ULK4: variants seen among roughly 807,000 people sequenced by gnomAD.
ULK4 encodes the protein unc-51 like kinase 4.
In ULK4, 133 loss-of-function variants were observed where a neutral mutation model predicts 160.6. That is an observed-to-expected ratio of 0.83 (90% CI 0.72 to 0.96). ULK4 has a LOEUF of 0.96. ULK4 is among the 40% of genes least tolerant of loss of function. The pLI, the probability that ULK4 is intolerant of heterozygous loss-of-function variation, is 0.00. For missense variants in ULK4, 1,580 were observed against 1,499.5 expected (o/e 1.05, Z -0.89); for synonymous variants, 534 against 539.8 (o/e 0.99, Z 0.15).
chr3:41,662,223 T>C lies in ULK4; in HGVS notation c.3071+1384A>G, dbSNP rs1421449362. Among the ~76,000 whole-genome samples the C allele has an allele frequency of 3.3e-5, 5 of 152,204 alleles. No homozygotes were observed. The South Asian group carries it at 8.3e-4, about 25-fold the overall frequency. ...TCATTGCTCAGGCTCTCTAAAAGGC[T>C]ATAGAAACACTGAAGCAAACACTTT... On this transcript the variant is annotated intron_variant, in intron 30 of 36. Transcript: ENST00000301831.
chr3:41,783,467 C>T (rs1324043548), intron 21 of ULK4, among the ~76,000 whole-genome samples: 3 of 150,956 alleles, frequency 2.0e-5, no homozygotes, highest in Admixed American at 6.6e-5. Flanking sequence ...AACCAGGAGG[C>T]GAAGGTTGCA....
chr3:41,859,277 G>A lies in ULK4; in HGVS notation c.1657-23306C>T, dbSNP rs1235092926. 7 of 552,000 alleles carry A rather than the reference G, an allele frequency of 1.3e-5. No homozygotes were observed. In the Admixed American group the frequency reaches 1.5e-4, roughly 12 times the overall value. 34.2% of individuals were successfully genotyped at this position (552,000 alleles called of 1,614,324 possible). ...TCAAGAAAGGTGGTCTGGTTTGGAGGTGATTTTGCATCTAGAAGGCATTCT... is the reference window on the plus strand; with the variant it reads ...TCAAGAAAGGTGGTCTGGTTTGGAGATGATTTTGCATCTAGAAGGCATTCT... On this transcript the variant is annotated intron_variant, in intron 17 of 36. Transcript: ENST00000301831.
intron 30 of ULK4, among the ~76,000 whole-genome samples, chr3:41,628,616 G>A (rs1008879745): frequency 2.0e-5 from 3 of 152,200 alleles, no homozygotes; most frequent in African/African-American, 7.2e-5. Flanking sequence ...CCAGACTAAG[G>A]AGACAGAGAA....
At chr3:41,856,521 AT>A (rs2042342013) in intron 17 of ULK4, among the ~76,000 whole-genome samples, 3 of 129,990 alleles carry the variant, frequency 2.3e-5, no homozygotes, top group Non-Finnish European at 4.9e-5. Flanking sequence ...AAATATATAT[AT>A]ATATATATAT....
At chr3:41,726,594 G>T (rs2037660253) in intron 22 of ULK4, among the ~76,000 whole-genome samples, 1 of 151,994 alleles carries the variant, frequency 6.6e-6, no homozygotes. Flanking sequence ...AATAAACAAG[G>T]TCAGATCAAT....
rs1320462737 is a variant in ULK4 at position 41,935,947 on chromosome 3, G to C, written c.239-7C>G. The C allele has an allele frequency of 1.9e-6, 3 of 1,612,162 alleles. No homozygotes were observed. The highest frequency in any genetic ancestry group is 2.5e-6 in the Non-Finnish European group (3 of 1,179,508). On this transcript the variant is annotated splice_polypyrimidine_tract_variant and splice_region_variant and intron_variant, in intron 3 of 36. Coordinates refer to ENST00000301831, the MANE Select transcript of ULK4 (RefSeq NM_017886.4). ...ACTGTTTTTAAGGAACCACCTGCAA[G>C]AGGTTGATTAAAATCACCCATTTCA...
At chr3:41,731,436 C>T (rs573524055) in intron 22 of ULK4, among the ~76,000 whole-genome samples, 1 of 151,456 alleles carries the variant, frequency 6.6e-6, no homozygotes, top group Non-Finnish European at 1.5e-5. Context: ...AGGTGAAAGC[C>T]CTCTACAAGA....
chr3:41,402,341 T>C (rs2082198990), intron 34 of ULK4, among the ~76,000 whole-genome samples: 1 of 152,172 alleles, frequency 6.6e-6, no homozygotes, highest in Non-Finnish European at 1.5e-5. Flanking sequence ...CGGGTATTCC[T>C]TTTATTTCTT....
intron 25 of ULK4, among the ~76,000 whole-genome samples, chr3:41,706,855 G>A (rs796889159): frequency 0.11 from 14,368 of 127,526 alleles, 2,358 homozygotes; most frequent in African/African-American, 0.38. Context: ...AAATATGTGT[G>A]TGTGTGTGTG....
chr3:41,303,891 G>A (rs991040985), intron 35 of ULK4, among the ~76,000 whole-genome samples: 2 of 152,092 alleles, frequency 1.3e-5, no homozygotes, highest in African/African-American at 2.4e-5. Context: ...GGTGTTCAGA[G>A]CTCCCCAAGG....
chr3:41,873,836 G>T (rs756612751), intron 17 of ULK4, among the ~76,000 whole-genome samples: 1 of 151,314 alleles, frequency 6.6e-6, no homozygotes, highest in Non-Finnish European at 1.5e-5. Flanking sequence ...TTACAGGCAT[G>T]AGCCACCGCA....
At chr3:41,608,584 T>C (rs2032501384) in intron 31 of ULK4, among the ~76,000 whole-genome samples, 1 of 152,234 alleles carries the variant, frequency 6.6e-6, no homozygotes, top group Non-Finnish European at 1.5e-5. Context: ...CTTTGTTCCA[T>C]CTATCAAAGA....
chr3:41,830,933 C>G (rs755756587), intron 18 of ULK4, among the ~76,000 whole-genome samples: 1 of 151,506 alleles, frequency 6.6e-6, no homozygotes, highest in Non-Finnish European at 1.5e-5. Context: ...GCCCTATCCC[C>G]AAAGAACTGC....
At chr3:41,321,170 A>G (rs2080238352) in intron 35 of ULK4, among the ~76,000 whole-genome samples, 1 of 152,144 alleles carries the variant, frequency 6.6e-6, no homozygotes, top group Non-Finnish European at 1.5e-5. Flanking sequence ...GGCCCCTTTA[A>G]AAGAAGAGAA....
rs140676814 is a variant in ULK4 at position 41,254,607 on chromosome 3, C to T, written c.3679-5033G>A. The stretch of plus-strand genomic sequence containing the variant: ...AAGGAACTAGGAAAAAAGGGCCGGG[C>T]GCGGTGGCTCACACCTGTAATCCCA... On this transcript the variant is annotated intron_variant, in intron 35 of 36. Coordinates refer to ENST00000301831, the MANE Select transcript of ULK4 (RefSeq NM_017886.4). Among the ~76,000 whole-genome samples, 275 of 152,180 alleles carry T rather than the reference C, an allele frequency of 1.8e-3. 3 individuals are homozygous for T. The South Asian group carries it at 0.036, about 20-fold the overall frequency.
intron 35 of ULK4, among the ~76,000 whole-genome samples, chr3:41,350,349 T>C (rs566044504): frequency 6.6e-6 from 1 of 152,334 alleles, no homozygotes; most frequent in Admixed American, 6.5e-5. Context: ...ACACAAGGTT[T>C]TCATATAACT....
At chr3:41,648,030 AT>A (rs1275181749) in intron 30 of ULK4, among the ~76,000 whole-genome samples, 1 of 152,110 alleles carries the variant, frequency 6.6e-6, no homozygotes, top group Admixed American at 6.5e-5. Flanking sequence ...GTGGTGCGCC[AT>A]TTTTTAAGCC....
At chr3:41,541,590 T>G (rs372873505) in intron 32 of ULK4, among the ~76,000 whole-genome samples, 1 of 152,190 alleles carries the variant, frequency 6.6e-6, no homozygotes, top group Non-Finnish European at 1.5e-5. Flanking sequence ...TTGATGGGGA[T>G]AGCATTGAAT....
intron 18 of ULK4, among the ~76,000 whole-genome samples, chr3:41,822,440 C>G (rs1054080458): frequency 2.0e-5 from 3 of 151,652 alleles, no homozygotes; most frequent in Non-Finnish European, 4.4e-5. Flanking sequence ...TTTTTGATAC[C>G]AAGTTTCGCT....
Sources: allele counts gnomAD v4.1 joint callset (sites outside exome capture counted in the v4.1 genomes callset), GRCh38; gene constraint gnomAD v4.1.1; transcripts MANE v1.5; gene names NCBI Gene and HGNC (gene_info 2026-07-23, HGNC 2026-07-21).